The following DYSF variants were observed in gnomAD, a reference collection of about 807,000 sequenced individuals.
DYSF encodes the protein dysferlin.
DYSF carries 212 observed loss-of-function variants against 274.9 expected under a neutral mutation model. The ratio of observed to expected loss-of-function variants is 0.77; its 90% CI spans 0.69 to 0.86. DYSF has a LOEUF of 0.86. Among genes scored for constraint, DYSF ranks in the 40% least tolerant of loss-of-function variants. The pLI is 0.00. For missense variants in DYSF, 2,666 were observed against 2,783.2 expected, an observed-to-expected ratio of 0.96 and a Z score of 0.95; for synonymous variants, 1,091 against 1,078.7, an observed-to-expected ratio of 1.01 and a Z score of -0.22.
In DYSF at chr2:71,466,924, A is replaced by G; in HGVS notation, c.82A>G (p.Thr28Ala). 2 of 1,550,002 alleles carry G rather than the reference A, an allele frequency of 1.3e-6. No homozygotes were observed. The highest frequency in any genetic ancestry group is 1.7e-6 in the Non-Finnish European group (2 of 1,145,874). Residue 28 changes from threonine (T) to alanine (A), a missense_variant, in exon 1 of 56, where the codon ACT becomes GCT. Physicochemically the swap from Thr to Ala is moderately conservative, Grantham distance 58 (BLOSUM62 0). This residue lies in a region of DYSF where 794 missense variants were observed against 777.1 expected (regional missense o/e 1.02). Transcript: ENST00000410020. The stretch of plus-strand genomic sequence containing the variant: ...GCGCAGCGACCCTGTCGCAAGCCTG[A>G]CTTTCCGAGGTGAGAGCCCCGTGGC... ...DRRSDPVASLTFRGVKKRTKV... is the reference protein window; with the variant it reads ...DRRSDPVASLAFRGVKKRTKV...
intron 36 of DYSF, among the ~76,000 whole-genome samples, chr2:71,603,919 G>A (rs1243042983): frequency 6.6e-6 from 1 of 152,212 alleles, no homozygotes; most frequent in Non-Finnish European, 1.5e-5. Context: ...CAGATTCCGA[G>A]GGCAGGGATC....
chr2:71,668,960 G>T, intron 49 of DYSF, 118 bp downstream of exon 49: 1 of 1,339,140 alleles, frequency 7.5e-7, no homozygotes, highest in Non-Finnish European at 1.0e-6. Context: ...TTGGGCCATG[G>T]AATACAGTTC....
chr2:71,685,421 A>G (rs1186358781), intron 55 of DYSF, among the ~76,000 whole-genome samples: 4 of 152,132 alleles, frequency 2.6e-5, no homozygotes, highest in Non-Finnish European at 5.9e-5. Flanking sequence ...GGTCTTTGCT[A>G]CAAGCTGAGC....
Position 71,513,914 on chromosome 2 carries a change from A to C in DYSF, c.752A>C (p.Asp251Ala), listed in dbSNP as rs749224638. The C allele has an allele frequency of 6.2e-7, 1 of 1,614,122 alleles. No homozygotes were observed. Among genetic ancestry groups the C allele is most frequent in the Non-Finnish European group, 8.5e-7 (1 of 1,179,990 alleles). ...SRKLLSDKPQ[D>A]FQIRVQVIEG... The stretch of plus-strand genomic sequence containing the variant: ...AAGCTGCTGTCAGACAAACCGCAGG[A>C]TTTCCAGGTGATGAACGGGCTTTCT... Residue 251 changes from aspartate (D) to alanine (A), a missense_variant, in exon 7 of 56, where the codon GAT becomes GCT. By Grantham distance (126) the Asp-to-Ala change is moderately radical. This residue lies in a region of DYSF where 794 missense variants were observed against 777.1 expected (regional missense o/e 1.02). Transcript: ENST00000410020.
intron 42 of DYSF, among the ~76,000 whole-genome samples, chr2:71,646,797 A>G (rs1327360559): frequency 6.6e-6 from 1 of 152,240 alleles, no homozygotes; most frequent in East Asian, 1.9e-4. Flanking sequence ...CTTAGACTAT[A>G]TCAAAAGTCA....
intron 41 of DYSF, among the ~76,000 whole-genome samples, chr2:71,633,745 G>A (rs1300299251): frequency 1.3e-5 from 2 of 152,042 alleles, no homozygotes; most frequent in Non-Finnish European, 2.9e-5. Context: ...AGTGACCCAA[G>A]GTTTAACGTT....
At chr2:71,610,187 A>G (rs570550692) in intron 36 of DYSF, among the ~76,000 whole-genome samples, 79 of 152,364 alleles carry the variant, frequency 5.2e-4, no homozygotes, top group Non-Finnish European at 6.6e-4. Flanking sequence ...ACTTTCTGAC[A>G]TGGAAGTAAA....
chr2:71,538,565 A>G (rs2089616296), intron 16 of DYSF, among the ~76,000 whole-genome samples: 1 of 152,206 alleles, frequency 6.6e-6, no homozygotes, highest in African/African-American at 2.4e-5. Context: ...TGCAACAGAG[A>G]TAATAATAAA....
upstream of DYSF, among the ~76,000 whole-genome samples, chr2:71,462,194 T>C (rs1050145299): frequency 1.3e-5 from 2 of 152,038 alleles, no homozygotes; most frequent in African/African-American, 4.8e-5. Context: ...GCAAGGGGTG[T>C]GTGAGTGAGT....
intron 36 of DYSF, among the ~76,000 whole-genome samples, chr2:71,604,570 C>T (rs752992214): frequency 2.0e-5 from 3 of 152,106 alleles, no homozygotes; most frequent in Non-Finnish European, 4.4e-5. Context: ...TGTCTGGCTG[C>T]AGGAGGTGTG....
chr2:71,589,715 G>A (rs765776321), intron 31 of DYSF, 29 bp downstream of exon 31: 1 of 1,575,744 alleles, frequency 6.3e-7, no homozygotes, highest in Non-Finnish European at 8.7e-7. Flanking sequence ...CCTCTATGGG[G>A]TGATAAGGGT....
intron 1 of DYSF, among the ~76,000 whole-genome samples, chr2:71,477,042 TC>T (rs775665884): frequency 3.9e-5 from 6 of 152,124 alleles, no homozygotes; most frequent in Non-Finnish European, 7.4e-5. Context: ...AGAAGTAACT[TC>T]CAGCTTCCCA....
rs1268958401 is a variant in DYSF at position 71,539,234 on chromosome 2, T to C, written c.1571T>C (p.Ile524Thr). The change falls in exon 17 of 56, where the codon ATA becomes ACA. Residue 524 changes from isoleucine to threonine, a missense_variant. By Grantham distance (89) the Ile-to-Thr change is moderately conservative. This residue lies in a region of DYSF where 794 missense variants were observed against 777.1 expected (regional missense o/e 1.02). Coordinates refer to ENST00000410020, the MANE Select transcript of DYSF (RefSeq NM_001130987.2). The part of the protein sequence containing the change: ...MSKISAPGGE[I>T]EVDDYLGFLP... Reference sequence around the variant, plus strand: ...AAAATCTCTGCCCCTGGAGGAGAAATAGAAGGTATGTTCCCTCTTCGTTCT... The same window carrying C: ...AAAATCTCTGCCCCTGGAGGAGAAACAGAAGGTATGTTCCCTCTTCGTTCT... 6.2e-7 allele frequency: 1 copy of C among 1,613,858 alleles called. No homozygotes were observed. Among genetic ancestry groups the C allele is most frequent in the South Asian group, 1.1e-5 (1 of 91,068 alleles).
At chr2:71,569,121 G>A (rs557488099) in intron 26 of DYSF, among the ~76,000 whole-genome samples, 2 of 150,836 alleles carry the variant, frequency 1.3e-5, no homozygotes, top group Admixed American at 6.6e-5. Flanking sequence ...TGATCCACCC[G>A]CCTCGGCCTC....
At chr2:71,683,925 G>A (rs1378246476) in intron 55 of DYSF, among the ~76,000 whole-genome samples, 2 of 30,864 alleles carry the variant, frequency 6.5e-5, no homozygotes, top group African/African-American at 3.3e-4. Context: ...TTTCCATGCA[G>A]TTCTAACAGC....
At chr2:71,482,120 T>C in intron 3 of DYSF, 150 bp downstream of exon 3, 1 of 670,782 alleles carries the variant, frequency 1.5e-6, no homozygotes, top group Non-Finnish European at 2.6e-6. Flanking sequence ...GTGATAGATG[T>C]TGGGAGAATC....
intron 48 of DYSF, among the ~76,000 whole-genome samples, chr2:71,668,389 G>A (rs1334816067): frequency 6.6e-6 from 1 of 152,134 alleles, no homozygotes; most frequent in Non-Finnish European, 1.5e-5. Flanking sequence ...ATAAGGGGTG[G>A]GCAGGGAGAG....
chr2:71,530,581 C>T (rs2088573666), intron 14 of DYSF, among the ~76,000 whole-genome samples: 2 of 152,260 alleles, frequency 1.3e-5, no homozygotes, highest in African/African-American at 2.4e-5. Context: ...ATGCAAGAAG[C>T]TGCGCCTCCC....
At chr2:71,649,643 C>T (rs1256605488) in intron 42 of DYSF, among the ~76,000 whole-genome samples, 4 of 152,050 alleles carry the variant, frequency 2.6e-5, no homozygotes, top group African/African-American at 9.7e-5. Flanking sequence ...ATGCACCACT[C>T]CCATCCGCCC....
Sources: gnomAD v4.1 joint callset for allele counts (sites outside exome capture counted in the v4.1 genomes callset) on GRCh38, gnomAD v4.1.1 for gene constraint, gnomAD v4.1.1 regional missense constraint, MANE v1.5 for transcripts, NCBI Gene and HGNC (gene_info 2026-07-23, HGNC 2026-07-21) for gene names.